MTG1: variants seen among roughly 807,000 people sequenced by gnomAD.
MTG1 encodes mitochondrial ribosome-associated GTPase 1.
A neutral mutation model predicts 39.5 loss-of-function variants in MTG1; 30 were observed. The ratio of observed to expected loss-of-function variants is 0.76; its 90% CI spans 0.57 to 1.03. The LOEUF (loss-of-function observed/expected upper bound fraction) is 1.03, where lower values mean the gene tolerates loss of function less well. Ranked by LOEUF, MTG1 falls within the 50% of genes least tolerant of loss-of-function variation. The pLI is 0.00. For synonymous variants in MTG1, 217 were observed against 179.0 expected (o/e 1.21, Z -1.69); for missense variants, 513 against 447.4 (o/e 1.15, Z -1.32).
At chr10:133,407,860 G>A (rs1050068423) in intron 9 of MTG1, among the ~76,000 whole-genome samples, 3 of 152,138 alleles carry the variant, frequency 2.0e-5, no homozygotes, top group Non-Finnish European at 2.9e-5. Flanking sequence ...GTGAGCCACC[G>A]TGCCTGGCCT....
At chr10:133,407,850 G>A (rs925636628) in intron 9 of MTG1, among the ~76,000 whole-genome samples, 2 of 152,196 alleles carry the variant, frequency 1.3e-5, no homozygotes, top group African/African-American at 2.4e-5. Context: ...GATTACAGGC[G>A]TGAGCCACCG....
chr10:133,395,624 G>A (rs893359088), intron 1 of MTG1, 89 bp from the exon 2 acceptor site: 19 of 1,189,556 alleles, frequency 1.6e-5, no homozygotes, highest in African/African-American at 3.0e-5. Flanking sequence ...GTTATTTATG[G>A]TGGCGTGTCA....
At chr10:133,401,816 A>G (rs1035133051) in intron 7 of MTG1, 2 of 686,342 alleles carry the variant, frequency 2.9e-6, no homozygotes, top group Non-Finnish European at 5.3e-6. Flanking sequence ...CCCCATTTCC[A>G]GATGAGGAGG....
rs767632663 is a variant in MTG1, at chr10:133,420,092, G to A, written c.932G>A (p.Arg311His). 18 of 1,613,342 alleles carry A rather than the reference G, an allele frequency of 1.1e-5. No homozygotes were observed. Among genetic ancestry groups the A allele is most frequent in the Admixed American group, 3.3e-5 (2 of 59,962 alleles). The change falls in exon 11 of 11, where the codon CGT (arginine) becomes CAT (histidine). Residue 311 changes from arginine (R) to histidine (H), a missense_variant. By Grantham distance (29) the Arg-to-His change is conservative. Transcript: ENST00000317502. ...AARDFLQTFR[R>H]GLLGSVMLDL... ...CGTGACTTCCTGCAGACTTTCCGCC[G>A]TGGGCTGCTGGGTTCCGTGATGCTG...
intron 9 of MTG1, among the ~76,000 whole-genome samples, chr10:133,413,593 T>A (rs1001904106): frequency 4.6e-5 from 7 of 152,168 alleles, no homozygotes; most frequent in Non-Finnish European, 7.4e-5. Flanking sequence ...TCTTGCCTCT[T>A]TAGGATTGAA....
chr10:133,417,889 G>A (rs1453071840), intron 9 of MTG1, among the ~76,000 whole-genome samples: 3 of 152,194 alleles, frequency 2.0e-5, no homozygotes, highest in Non-Finnish European at 4.4e-5. Flanking sequence ...ACAAACAAAT[G>A]GAAGAACATT....
At chr10:133,409,338 G>A (rs1350041679) in intron 9 of MTG1, among the ~76,000 whole-genome samples, 2 of 152,096 alleles carry the variant, frequency 1.3e-5, no homozygotes, top group African/African-American at 4.8e-5. Context: ...CCATGTGTTT[G>A]TGTAGTTTTT....
intron 1 of MTG1, among the ~76,000 whole-genome samples, chr10:133,395,121 C>T (rs1849761451): frequency 6.6e-6 from 1 of 152,170 alleles, no homozygotes; most frequent in African/African-American, 2.4e-5. Flanking sequence ...AAGGGCCCGG[C>T]CCGGTGGCTC....
At chr10:133,399,859 A>G (rs1849847246) in intron 6 of MTG1, 1 of 468,724 alleles carries the variant, frequency 2.1e-6, no homozygotes, top group Non-Finnish European at 3.8e-6. Flanking sequence ...AATCTTTAAC[A>G]TGAAGATGGC....
intron 9 of MTG1, among the ~76,000 whole-genome samples, chr10:133,410,753 C>G (rs1850035131): frequency 6.6e-6 from 1 of 152,218 alleles, no homozygotes; most frequent in Non-Finnish European, 1.5e-5. Flanking sequence ...GCCTGGGTGA[C>G]AGAGTGAGAC....
chr10:133,402,946 GAAAGC>G lies in MTG1; in HGVS notation c.752+176_752+180del, dbSNP rs1243867784. On this transcript the variant is annotated intron_variant, in intron 9 of 10. Transcript: ENST00000317502. This position sits in a 1 kb window ranked among gnomAD's most constrained non-coding sequence, Gnocchi z 4.7. Reference sequence around the variant, plus strand: ...TTCGGGAGTATGGCTATACGTCTGTGAAAGCAACACACAATCAAGAAAACGAGCGT... The same window carrying G: ...TTCGGGAGTATGGCTATACGTCTGTGAACACACAATCAAGAAAACGAGCGT... 2 of 554,416 alleles carry G rather than the reference GAAAGC, an allele frequency of 3.6e-6. No individual in the cohort carries two copies. The highest frequency in any genetic ancestry group is 6.4e-6 in the Non-Finnish European group (2 of 313,492). 34.3% of individuals were successfully genotyped at this position (554,416 alleles called of 1,614,324 possible). A position where few individuals can be genotyped will look rare whatever the true frequency, so the allele number is the denominator to read the frequency against.
In MTG1 at chr10:133,396,153, A is replaced by G; in HGVS notation, c.178-10A>G. ...AAGCTTTGGAGGAATTTTTACCTTAATTTTGCCACATCCCACTTTCAGGCC... is the reference window on the plus strand; with the variant it reads ...AAGCTTTGGAGGAATTTTTACCTTAGTTTTGCCACATCCCACTTTCAGGCC... On this transcript the variant is annotated splice_polypyrimidine_tract_variant and intron_variant, in intron 2 of 10. Transcript: ENST00000317502. The G allele has an allele frequency of 1.2e-6, 2 of 1,613,284 alleles. No individual in the cohort carries two copies. The highest frequency in any genetic ancestry group is 1.1e-5 in the South Asian group (1 of 90,984).
intron 9 of MTG1, among the ~76,000 whole-genome samples, chr10:133,408,310 G>C (rs181272109): frequency 5.9e-5 from 9 of 152,260 alleles, no homozygotes; most frequent in African/African-American, 1.9e-4. Flanking sequence ...TTCAGCATTT[G>C]TTGAAATGAT....
Position 133,399,556 on chromosome 10 carries a change from G to T in MTG1, c.448G>T (p.Gly150Trp). ...CCTGGAGTACTGTATCATGGTCATT[G>T]GGGTCCCCAACGTGGGCAAGTCCTC... is the stretch of plus-strand genomic sequence containing the variant. ...ENLEYCIMVI[G>W]VPNVGKSSLI... The change falls in exon 6 of 11, where the codon GGG (glycine) becomes TGG (tryptophan). Residue 150 changes from glycine (G) to tryptophan (W), a missense_variant. Gly to Trp is a radical substitution (Grantham distance 184). Coordinates refer to ENST00000317502, the MANE Select transcript of MTG1 (RefSeq NM_138384.4). 6.2e-7 allele frequency: 1 copy of T among 1,614,152 alleles called. No homozygotes were observed. The highest frequency in any genetic ancestry group is 1.1e-5 in the South Asian group (1 of 91,084).
intron 9 of MTG1, among the ~76,000 whole-genome samples, chr10:133,403,475 A>G (rs901359581): frequency 1.3e-5 from 2 of 152,166 alleles, no homozygotes; most frequent in East Asian, 1.9e-4. Context: ...GCAGCCGTCT[A>G]CTGTCCCTGT....
chr10:133,408,648 A>C (rs1850003271), intron 9 of MTG1, among the ~76,000 whole-genome samples: 1 of 152,232 alleles, frequency 6.6e-6, no homozygotes, highest in African/African-American at 2.4e-5. Flanking sequence ...TTAACTGTTG[A>C]TAGTTCAGCA....
At chr10:133,396,387 A>G in intron 3 of MTG1, 120 bp downstream of exon 3, 1 of 842,068 alleles carries the variant, frequency 1.2e-6, no homozygotes, top group African/African-American at 1.7e-5. Context: ...GCTCTGCTTT[A>G]GAAACAGCCC....
intron 6 of MTG1, among the ~76,000 whole-genome samples, chr10:133,400,014 A>G (rs914728889): frequency 1.3e-5 from 2 of 152,102 alleles, no homozygotes; most frequent in Non-Finnish European, 2.9e-5. Flanking sequence ...GAAACGGTGA[A>G]ACCCCGTCTC....
At chr10:133,399,030 TAGG>T in intron 4 of MTG1, 137 bp from the exon 5 acceptor site, 1 of 895,262 alleles carries the variant, frequency 1.1e-6, no homozygotes, top group Non-Finnish European at 1.8e-6. Flanking sequence ...GAATTCCAGA[TAGG>T]AGGTTTCTGT....
Sources: gnomAD v4.1 joint callset for allele counts (sites outside exome capture counted in the v4.1 genomes callset) on GRCh38, gnomAD v4.1.1 for gene constraint, Gnocchi (gnomAD v3.1) non-coding constraint, MANE v1.5 for transcripts, NCBI Gene and HGNC (gene_info 2026-07-23, HGNC 2026-07-21) for gene names.